The following MUC4 variants were observed in gnomAD, a reference collection of about 807,000 sequenced individuals.
MUC4 encodes mucin-4.
In MUC4, 202 loss-of-function variants were observed where a neutral mutation model predicts 257.9. The ratio of observed to expected loss-of-function variants is 0.78; its 90% CI spans 0.70 to 0.88. The LOEUF is 0.88. Among genes scored for constraint, MUC4 ranks in the 40% least tolerant of loss-of-function variants. The pLI, the probability that MUC4 is intolerant of heterozygous loss-of-function variation, is 0.00. For missense variants in MUC4, 5,976 were observed against 6,513.7 expected (o/e 0.92, Z 2.84); for synonymous variants, 2,351 against 2,757.1 (o/e 0.85, Z 4.62).
At chr3:195,751,670 CAA>C (rs967904604) in intron 21 of MUC4, 2 of 318,028 alleles carry the variant, frequency 6.3e-6, no homozygotes, top group Non-Finnish European at 1.2e-5. Context: ...AGTCTAAACT[CAA>C]AGAGTGCATT....
rs756461417 is a variant in MUC4, at chr3:195,789,633, T to C, written c.1947A>G (p.Ser649=). 2 of 1,613,944 alleles carry C rather than the reference T, an allele frequency of 1.2e-6. No individual in the cohort carries two copies. Among genetic ancestry groups the C allele is most frequent in the Admixed American group, 1.7e-5 (1 of 60,022 alleles). ...TGGGGGAGACGGACCTCGTGGTTTG[T>C]GATTCTTGTGTGGTCTGCGGGGCTT... is the stretch of plus-strand genomic sequence containing the variant. ...HTQAPQTTQE[S]QTTRSVSPMT... is the part of the protein sequence containing the mutation. Residue 649 remains serine, a synonymous_variant, in exon 2 of 25, where the codon TCA becomes TCG. Coordinates refer to ENST00000463781, the MANE Select transcript of MUC4 (RefSeq NM_018406.7).
rs1728630915 is a variant in MUC4, at chr3:195,782,413, G to GA, written c.9166_9167insT (p.Pro3056LeufsTer46). Reference sequence around the variant, plus strand: ...TGAGGAAGGGCTGGTGACATGAAGAGGGTTGGCGTGACCTGTGGATGCTGA... The same window carrying GA: ...TGAGGAAGGGCTGGTGACATGAAGAGAGGTTGGCGTGACCTGTGGATGCTGA... On this transcript the variant is annotated frameshift_variant, in exon 2 of 25. Transcript: ENST00000463781. LOFTEE classifies it high-confidence loss of function. 7.1e-7 allele frequency: 1 copy of GA among 1,399,212 alleles called. No individual in the cohort carries two copies. Among genetic ancestry groups the GA allele is most frequent in the Non-Finnish European group, 9.5e-7 (1 of 1,055,432 alleles). 86.7% of individuals were successfully genotyped at this position (1,399,212 alleles called of 1,614,324 possible).
At position 195,788,380 on chromosome 3, in the gene MUC4, G is replaced by T. The variant is rs1380136020; in HGVS notation, c.3200C>A (p.Thr1067Lys). Residue 1067 changes from threonine to lysine, a missense_variant, in exon 2 of 25, where the codon ACA becomes AAA. By Grantham distance (78) the Thr-to-Lys change is moderately conservative (BLOSUM62 -1). This residue lies in a region of MUC4 where 68 missense variants were observed against 90.4 expected (regional missense o/e 0.75). Coordinates refer to ENST00000463781, the MANE Select transcript of MUC4 (RefSeq NM_018406.7). Reference protein sequence around the residue: ...LPVTDTSSASTGHVTPLPVTS... With the variant: ...LPVTDTSSASKGHVTPLPVTS... The stretch of plus-strand genomic sequence containing the variant: ...GACAGGAAGAGGGGTGACGTGACCT[G>T]TGGATGCTGAGGAAGTGTCAGTGAC... The T allele has an allele frequency of 2.6e-6, 4 of 1,532,702 alleles. No homozygotes were observed. The highest frequency in any genetic ancestry group is 3.5e-6 in the Non-Finnish European group (4 of 1,136,602). 94.9% of individuals were successfully genotyped at this position (1,532,702 alleles called of 1,614,324 possible). A position where few individuals can be genotyped will look rare whatever the true frequency, so the allele number is the denominator to read the frequency against.
At position 195,789,267 on chromosome 3, in the gene MUC4, GGTCATGGCTGCTGCTGT is replaced by G. The variant is rs1378433245; in HGVS notation, c.2296_2312del (p.Thr766ProfsTer6). 1.2e-6 allele frequency: 2 copies of G among 1,613,890 alleles called. No individual in the cohort carries two copies. The highest frequency in any genetic ancestry group is 2.2e-5 in the South Asian group (2 of 91,074). On this transcript the variant is annotated frameshift_variant, in exon 2 of 25. Coordinates refer to ENST00000463781, the MANE Select transcript of MUC4 (RefSeq NM_018406.7). LOFTEE classifies it high-confidence loss of function. ...CTGTGCTCTCAGCCTGGTGGGTATG[GGTCATGGCTGCTGCTGT>G]GTCAGGTGAGGTGCTGGCAGAGGCT...
chr3:195,780,461 A>T lies in MUC4; in HGVS notation c.11119T>A (p.Ser3707Thr), dbSNP rs957380259. Residue 3707 changes from serine to threonine, a missense_variant, in exon 2 of 25, where the codon TCA (serine) becomes ACA (threonine). Ser to Thr is a moderately conservative substitution (Grantham distance 58). Transcript: ENST00000463781. ...ACAGGAAGAGGGGTGGTGTGACCTG[A>T]GGATGATGAGGAAGGGATGGTGACA... ...LPVTIPSSSSSGHTTPLPVTS... is the reference protein window; with the variant it reads ...LPVTIPSSSSTGHTTPLPVTS... 0.11 allele frequency: 99,678 copies of T among 876,810 alleles called. 16,229 individuals carry two copies. The highest frequency in any genetic ancestry group is 0.31 in the East Asian group (6,887 of 22,192). 54.3% of individuals were successfully genotyped at this position (876,810 alleles called of 1,614,324 possible).
Position 195,804,207 on chromosome 3 carries a change from G to T in MUC4, c.82+7529C>A, listed in dbSNP as rs182881805. Among the ~76,000 whole-genome samples, 323 of 152,340 alleles carry T rather than the reference G, an allele frequency of 2.1e-3. 1 individual carries two copies. The highest frequency in any genetic ancestry group is 4.0e-3 in the Non-Finnish European group (269 of 68,034). The stretch of plus-strand genomic sequence containing the variant: ...CTGTCAAGCCTCTGCCATCACGTCA[G>T]CCAGAGATCTCCCATCAAGGTAGTT... On this transcript the variant is annotated intron_variant, in intron 1 of 24. Transcript: ENST00000463781.
intron 3 of MUC4, among the ~76,000 whole-genome samples, chr3:195,775,265 G>T (rs1019191922): frequency 6.6e-6 from 1 of 151,986 alleles, no homozygotes; most frequent in Non-Finnish European, 1.5e-5. Context: ...AGGATTCCCC[G>T]CATGCCGGCC....
intron 7 of MUC4, among the ~76,000 whole-genome samples, chr3:195,767,605 ACCATTG>A (rs1447877742): frequency 1.0e-5 from 1 of 99,202 alleles, no homozygotes; most frequent in African/African-American, 4.3e-5. Context: ...CACCATCATC[ACCATTG>A]CCACCACCAT....
In MUC4 at chr3:195,762,079, G is replaced by T. The variant is rs766207409; in HGVS notation, c.14512+8C>A. The stretch of plus-strand genomic sequence containing the variant: ...GGAGCCTCAGAGGCAGGTCCGAGCC[G>T]CCCTCACCCAGGAGCCCCTCCGTGC... On this transcript the variant is annotated splice_region_variant and intron_variant, in intron 14 of 24. Transcript: ENST00000463781. 2 of 1,581,438 alleles carry T rather than the reference G, an allele frequency of 1.3e-6. No individual in the cohort carries two copies. The highest frequency in any genetic ancestry group is 1.3e-5 in the African/African-American group (1 of 74,440).
chr3:195,811,628 TA>T, intron 1 of MUC4, 107 bp downstream of exon 1: 13 of 936,800 alleles, frequency 1.4e-5, no homozygotes, highest in South Asian at 9.9e-5. Flanking sequence ...CCCTTTCCCC[TA>T]TTCTCTCTCT....
intron 20 of MUC4, 45 bp from the exon 21 acceptor site, chr3:195,752,491 C>T (rs1167175733): frequency 6.4e-7 from 1 of 1,557,364 alleles, no homozygotes; most frequent in South Asian, 1.1e-5. Flanking sequence ...ACGGTTTACC[C>T]AGACTTACCC....
At chr3:195,804,338 C>T (rs777521833) in intron 1 of MUC4, among the ~76,000 whole-genome samples, 6 of 152,220 alleles carry the variant, frequency 3.9e-5, no homozygotes, top group African/African-American at 1.2e-4. Flanking sequence ...ATCGTTTTCC[C>T]CAGATGGCCC....
At chr3:195,751,150 T>TGG in intron 22 of MUC4, 38 bp from the exon 23 acceptor site, 1 of 526,668 alleles carries the variant, frequency 1.9e-6, no homozygotes, top group East Asian at 5.0e-5. Flanking sequence ...GGTGGGGGGC[T>TGG]GGGGGTGGGG....
intron 1 of MUC4, among the ~76,000 whole-genome samples, chr3:195,811,521 T>G (rs1736745384): frequency 6.6e-6 from 1 of 152,118 alleles, no homozygotes; most frequent in Admixed American, 6.5e-5. Flanking sequence ...TTTCCCTCTC[T>G]GGGTCTCTCT....
In MUC4 at chr3:195,786,484, A is replaced by T; in HGVS notation, c.5096T>A (p.Val1699Asp). 6.6e-7 allele frequency: 1 copy of T among 1,525,686 alleles called. No homozygotes were observed. The highest frequency in any genetic ancestry group is 8.8e-7 in the Non-Finnish European group (1 of 1,132,114). The allele number at this position is 1,525,686 out of a possible 1,614,324, so 94.5% of individuals were successfully genotyped here. The stretch of plus-strand genomic sequence containing the variant: ...TGTGGATGCCGAGGAAACGTCGGTG[A>T]CAGGAAGACGGGTGGTGTCATCTGT... ...ATTDDTTRLP[V>D]TDVSSASTGQ... The change falls in exon 2 of 25, where the codon GTC becomes GAC. Residue 1699 changes from valine (V) to aspartate (D), a missense_variant. Transcript: ENST00000463781.
At position 195,786,065 on chromosome 3, in the gene MUC4, T is replaced by C; in HGVS notation, c.5515A>G (p.Thr1839Ala). ...GAAGGGATGGTGACAGGAAGAGAGG[T>C]GGTGTCACCTGTGGATGCTGAGGAA... ...DASSASTGDT[T>A]SLPVTIPSSA... The change falls in exon 2 of 25, where the codon ACC (threonine) becomes GCC (alanine). Residue 1839 changes from threonine to alanine, a missense_variant. Physicochemically the swap from Thr to Ala is moderately conservative, Grantham distance 58. Around this residue, in one of 44 missense-constraint regions of MUC4, gnomAD observed 31 missense variants for 71.1 expected, o/e 0.44. Transcript: ENST00000463781. 6.6e-7 allele frequency: 1 copy of C among 1,525,352 alleles called. No homozygotes were observed. Among genetic ancestry groups the C allele is most frequent in the Non-Finnish European group, 8.8e-7 (1 of 1,133,134 alleles). 94.5% of individuals were successfully genotyped at this position (1,525,352 alleles called of 1,614,324 possible).
rs371706525 is a variant in MUC4, at chr3:195,751,259, G to A, written c.15595C>T (p.Leu5199=). ...AAGGCCCGCATGTCCAGGGTCCCCA[G>A]TCTGTATGCCACCTAGGTTAGAGGA... is the stretch of plus-strand genomic sequence containing the variant. ...AEVNASVAYR[L]GTLDMRAFLR... The change falls in exon 22 of 25, where the codon CTG becomes TTG. Residue 5199 remains leucine (L), a synonymous_variant. Transcript: ENST00000463781. 1.2e-6 allele frequency: 2 copies of A among 1,606,596 alleles called. No individual in the cohort carries two copies. Among genetic ancestry groups the A allele is most frequent in the East Asian group, 2.2e-5 (1 of 44,768 alleles).
Position 195,751,240 on chromosome 3 carries a change from C to G in MUC4, c.15614G>C (p.Arg5205Pro), listed in dbSNP as rs754854368. 2 of 1,607,386 alleles carry G rather than the reference C, an allele frequency of 1.2e-6. No homozygotes were observed. Among genetic ancestry groups the G allele is most frequent in the East Asian group, 2.2e-5 (1 of 44,756 alleles). ...CACTTGGCTGTTGCGGAGAAAGGCC[C>G]GCATGTCCAGGGTCCCCAGTCTGTA... ...VAYRLGTLDM[R>P]AFLRNSQVER... Residue 5205 changes from arginine to proline, a missense_variant, in exon 22 of 25, where the codon CGG becomes CCG. By Grantham distance (103) the Arg-to-Pro change is moderately radical. Transcript: ENST00000463781.
In MUC4 at chr3:195,781,227, T is replaced by C; in HGVS notation, c.10353A>G (p.Thr3451=). 1.4e-6 allele frequency: 2 copies of C among 1,384,816 alleles called. No homozygotes were observed. Among genetic ancestry groups the C allele is most frequent in the South Asian group, 1.5e-5 (1 of 68,490 alleles). 85.8% of individuals were successfully genotyped at this position (1,384,816 alleles called of 1,614,324 possible). A position where few individuals can be genotyped will look rare whatever the true frequency, so the allele number is the denominator to read the frequency against. The change falls in exon 2 of 25, where the codon ACA becomes ACG. Residue 3451 remains threonine (T), a synonymous_variant. Transcript: ENST00000463781. ...TGACAGGAAGAGGGGTGGTGTGACC[T>C]GTAGATGCTGAGGAAGTGCTGGTGA... The part of the protein sequence containing the change: ...VPVTSTSSAS[T]GHTTPLPVTD...
Sources: gnomAD v4.1 joint callset for allele counts (sites outside exome capture counted in the v4.1 genomes callset) on GRCh38, gnomAD v4.1.1 for gene constraint, gnomAD v4.1.1 regional missense constraint, MANE v1.5 for transcripts, NCBI Gene and HGNC (gene_info 2026-07-23, HGNC 2026-07-21) for gene names.